The following MAP3K15 variants were observed in gnomAD, a reference collection of about 807,000 sequenced individuals.
The protein encoded by MAP3K15 is mitogen-activated protein kinase kinase kinase 15, also known as MAPK/ERK kinase kinase 15.
Under a neutral mutation model 99.5 loss-of-function variants are expected in MAP3K15, and 124 were observed. The ratio of observed to expected loss-of-function variants is 1.25; its 90% CI spans 1.08 to 1.45. MAP3K15 has a LOEUF of 1.45. MAP3K15 is among the 40% of genes most tolerant of loss of function. The pLI is 0.00. For missense variants in MAP3K15, 1,242 were observed against 1,079.7 expected, an observed-to-expected ratio of 1.15 and a Z score of -2.11; for synonymous variants, 494 against 439.6, an observed-to-expected ratio of 1.12 and a Z score of -1.55.
chrX:19,437,665 A>G (rs1383031591), intron 6 of MAP3K15, among the ~76,000 whole-genome samples: 1 of 111,949 alleles, frequency 8.9e-6, no homozygotes, highest in Non-Finnish European at 1.9e-5. Flanking sequence ...GTTTTAATAC[A>G]TTTAGGTTTT....
At chrX:19,410,089 T>C (rs1435323686) in intron 11 of MAP3K15, 116 bp from the exon 12 acceptor site, 14 of 551,201 alleles carry the variant, frequency 2.5e-5, no homozygotes, top group Non-Finnish European at 6.1e-6. Context: ...GTGATTTTTT[T>C]ACGGGTTACA....
At chrX:19,432,244 G>A (rs1470344570) in intron 6 of MAP3K15, among the ~76,000 whole-genome samples, 2 of 110,892 alleles carry the variant, frequency 1.8e-5, no homozygotes, top group Non-Finnish European at 3.8e-5. Flanking sequence ...TACATAGTCT[G>A]GACTGTGATT....
At chrX:19,404,661 A>G (rs2063634536) in intron 13 of MAP3K15, among the ~76,000 whole-genome samples, 2 of 112,166 alleles carry the variant, frequency 1.8e-5, no homozygotes, top group Admixed American at 1.9e-4. Flanking sequence ...GACATACAAA[A>G]CAATGGAACG....
intron 23 of MAP3K15, 54 bp from the exon 24 acceptor site, chrX:19,371,118 C>A: frequency 7.3e-6 from 7 of 960,932 alleles, no homozygotes; most frequent in Non-Finnish European, 8.4e-6. Flanking sequence ...TCCAGATTTC[C>A]AGTGCATTGC....
chrX:19,418,016 G>C (rs2063751049), intron 9 of MAP3K15, among the ~76,000 whole-genome samples: 1 of 111,709 alleles, frequency 9.0e-6, no homozygotes, highest in African/African-American at 3.3e-5. Flanking sequence ...AAACAGAAAG[G>C]ACATCCACAC....
intron 23 of MAP3K15, 23 bp downstream of exon 23, chrX:19,371,322 C>T (rs948646636): frequency 1.7e-6 from 2 of 1,192,907 alleles, no homozygotes; most frequent in Non-Finnish European, 2.3e-6. Context: ...GGTGTGTTCC[C>T]TAGGGCCAGA....
chrX:19,360,866 G>A, intron 28 of MAP3K15, 33 bp from the exon 29 acceptor site: 4 of 1,084,293 alleles, frequency 3.7e-6, no homozygotes, highest in Non-Finnish European at 5.0e-6. Context: ...TTCAGAGTCA[G>A]TGCTTCAAGC....
chrX:19,443,557 C>CTT (rs910576996), intron 6 of MAP3K15, among the ~76,000 whole-genome samples: 2 of 112,176 alleles, frequency 1.8e-5, no homozygotes, highest in Admixed American at 9.4e-5. Context: ...CCTTTCCAGA[C>CTT]TTGGTATTCT....
intron 3 of MAP3K15, among the ~76,000 whole-genome samples, chrX:19,466,342 C>T (rs2064169231): frequency 8.9e-6 from 1 of 111,733 alleles, no homozygotes; most frequent in Admixed American, 9.5e-5. Context: ...TCCCCGTAAT[C>T]CCCATGTGTC....
At chrX:19,449,250 C>T (rs1225757756) in intron 6 of MAP3K15, among the ~76,000 whole-genome samples, 1 of 110,236 alleles carries the variant, frequency 9.1e-6, no homozygotes, top group African/African-American at 3.2e-5. Context: ...CTTTTATGAA[C>T]TGCCTTCTAG....
intron 18 of MAP3K15, 104 bp downstream of exon 18, chrX:19,391,898 C>G: frequency 1.9e-6 from 1 of 513,513 alleles, no homozygotes; most frequent in African/African-American, 2.3e-5. Context: ...ATTGCTCACT[C>G]TGCTCAGAAA....
chrX:19,437,338 G>A (rs2063929102), intron 6 of MAP3K15, among the ~76,000 whole-genome samples: 1 of 111,535 alleles, frequency 9.0e-6, no homozygotes, highest in Non-Finnish European at 1.9e-5. Context: ...TCCCATCTTA[G>A]AGCAAACACC....
intron 1 of MAP3K15, among the ~76,000 whole-genome samples, chrX:19,511,487 C>T (rs1408266061): frequency 1.8e-5 from 2 of 111,124 alleles, no homozygotes; most frequent in Non-Finnish European, 3.8e-5. Flanking sequence ...AAAAACAACC[C>T]CATCAAAAAG....
intron 4 of MAP3K15, among the ~76,000 whole-genome samples, chrX:19,460,942 T>C (rs771955094): frequency 6.5e-5 from 7 of 107,682 alleles, no homozygotes; most frequent in African/African-American, 2.0e-4. Flanking sequence ...ACCTGGCTAA[T>C]TTTTGTATTG....
chrX:19,457,989 T>C (rs1449867567), intron 5 of MAP3K15, among the ~76,000 whole-genome samples: 1 of 112,036 alleles, frequency 8.9e-6, no homozygotes, highest in Non-Finnish European at 1.9e-5. Context: ...CATAATTACC[T>C]GGAGAAAAAT....
At chrX:19,484,273 C>G (rs2064309506) in intron 3 of MAP3K15, among the ~76,000 whole-genome samples, 1 of 111,063 alleles carries the variant, frequency 9.0e-6, no homozygotes, top group Admixed American at 9.6e-5. Flanking sequence ...AGTGCAAACC[C>G]TATTGTGAAC....
intron 3 of MAP3K15, among the ~76,000 whole-genome samples, chrX:19,467,530 A>C (rs1449133266): frequency 9.0e-6 from 1 of 110,659 alleles, no homozygotes; most frequent in African/African-American, 3.3e-5. Flanking sequence ...GCACTTTGGG[A>C]GGCCGAGGTG....
In MAP3K15 at chrX:19,415,219, C is replaced by G. The variant is rs753349491; in HGVS notation, c.1478G>C (p.Arg493Pro). The change falls in exon 10 of 29, where the codon CGG becomes CCG. Residue 493 changes from arginine to proline, a missense_variant. Coordinates refer to ENST00000338883, the MANE Select transcript of MAP3K15 (RefSeq NM_001001671.4). ...TTCAATAATGGTTTTCTTGAAGCGC[C>G]GAATTAGTAACAAGTTCTGAACTAA... is the stretch of plus-strand genomic sequence containing the variant. ...RSLVQNLLLI[R>P]RFKKTIIEHS... 2 of 1,180,065 alleles carry G rather than the reference C, an allele frequency of 1.7e-6. No individual in the cohort carries two copies. Among genetic ancestry groups the G allele is most frequent in the Non-Finnish European group, 1.1e-6 (1 of 884,870 alleles).
chrX:19,368,962 T>G, intron 25 of MAP3K15, 92 bp downstream of exon 25: 1 of 949,547 alleles, frequency 1.1e-6, no homozygotes, highest in South Asian at 3.0e-5. Context: ...CTGGGTGAGA[T>G]GGTCAACAAT....
Sources: allele counts gnomAD v4.1 joint callset (sites outside exome capture counted in the v4.1 genomes callset), GRCh38; gene constraint gnomAD v4.1.1; transcripts MANE v1.5; gene names NCBI Gene and HGNC (gene_info 2026-07-23, HGNC 2026-07-21).